AREL1: variants seen among roughly 807,000 people sequenced by gnomAD.
AREL1 encodes apoptosis resistant E3 ubiquitin protein ligase 1, also known as apoptosis-resistant E3 ubiquitin protein ligase 1.
Under a neutral mutation model 99.0 loss-of-function variants are expected in AREL1, and 62 were observed. That is an observed-to-expected ratio of 0.63 (90% confidence interval 0.51 to 0.77). The LOEUF is 0.77. Ranked by LOEUF, AREL1 falls within the 30% of genes least tolerant of loss-of-function variation. The pLI is 0.00. For synonymous variants in AREL1, 380 were observed against 376.5 expected (o/e 1.01, Z -0.11); for missense variants, 879 against 1,027.6 (o/e 0.86, Z 1.98).
At chr14:74,699,237 T>A (rs1427192856) in intron 1 of AREL1, among the ~76,000 whole-genome samples, 1 of 152,122 alleles carries the variant, frequency 6.6e-6, no homozygotes, top group African/African-American at 2.4e-5. Context: ...AGTTCACACA[T>A]TCTCTGTGTG....
chr14:74,687,396 C>A (rs8007335), intron 2 of AREL1, among the ~76,000 whole-genome samples: 4,451 of 152,276 alleles, frequency 0.029, 142 homozygotes, highest in African/African-American at 0.079. Flanking sequence ...TGTGACCTAT[C>A]TAGGCTTCAG....
rs17101802 is a variant in AREL1, at chr14:74,663,161, A to G, written c.*559T>C. 4,612 of 165,224 alleles carry G rather than the reference A, an allele frequency of 0.028. 150 individuals are homozygous for G. The highest frequency in any genetic ancestry group is 0.079 in the African/African-American group (3,310 of 41,984). The allele number at this position is 165,224 out of a possible 1,614,324, so 10.2% of individuals were successfully genotyped here. A position where few individuals can be genotyped will look rare whatever the true frequency, so the allele number is the denominator to read the frequency against. On this transcript the variant is annotated 3_prime_UTR_variant, in exon 20 of 20. Transcript: ENST00000356357. Reference sequence around the variant, plus strand: ...TTTTAGCAGTCCTTAGAGGCAGTCCAGTGCCATGGCCTATGCCTACCATTG... The same window carrying G: ...TTTTAGCAGTCCTTAGAGGCAGTCCGGTGCCATGGCCTATGCCTACCATTG...
At chr14:74,684,365 A>T in intron 4 of AREL1, 89 bp downstream of exon 4, 2 of 1,167,918 alleles carry the variant, frequency 1.7e-6, no homozygotes. Context: ...AACAAGAGAA[A>T]ATGTTAACAT....
At chr14:74,674,369 G>A (rs1433982547) in intron 8 of AREL1, among the ~76,000 whole-genome samples, 1 of 152,200 alleles carries the variant, frequency 6.6e-6, no homozygotes, top group African/African-American at 2.4e-5. Flanking sequence ...GGAGGCCGAG[G>A]CAGGCAGATC....
chr14:74,668,562 A>G (rs2089259048), intron 15 of AREL1, among the ~76,000 whole-genome samples: 1 of 152,124 alleles, frequency 6.6e-6, no homozygotes, highest in South Asian at 2.1e-4. Context: ...AATGAGCACT[A>G]CCCTGGGTCT....
At chr14:74,663,854 T>C (rs1391764207) in intron 19 of AREL1, 32 bp from the exon 20 acceptor site, 2 of 1,614,026 alleles carry the variant, frequency 1.2e-6, no homozygotes, top group African/African-American at 2.7e-5. Context: ...GATTAACTCA[T>C]ACCACCAAAA....
At position 74,662,107 on chromosome 14, in the gene AREL1, G is replaced by A. The variant is rs562815954; in HGVS notation, c.*1613C>T. On this transcript the variant is annotated 3_prime_UTR_variant, in exon 20 of 20. Coordinates refer to ENST00000356357, the MANE Select transcript of AREL1 (RefSeq NM_001039479.2). Reference sequence around the variant, plus strand: ...GGCATGGAGGATCCTGGGGTATAGAGACCCTGATGCTGGATCCCGGACCCC... The same window carrying A: ...GGCATGGAGGATCCTGGGGTATAGAAACCCTGATGCTGGATCCCGGACCCC... 2.8e-4 allele frequency: 43 copies of A among 153,518 alleles called. No homozygotes were observed. Among genetic ancestry groups the A allele is most frequent in the Non-Finnish European group, 4.5e-4 (31 of 68,592 alleles). 9.5% of individuals were successfully genotyped at this position (153,518 alleles called of 1,614,324 possible). A position where few individuals can be genotyped will look rare whatever the true frequency, so the allele number is the denominator to read the frequency against.
Position 74,712,038 on chromosome 14 carries a change from CAAAAAAAAAAAAAA to C in AREL1, c.-334+881_-334+894del, listed in dbSNP as rs752599769. The C allele has an allele frequency of 4.2e-3, 121 of 28,704 alleles. No homozygotes were observed. In the South Asian group the frequency reaches 0.088, roughly 21 times the overall value. The allele number at this position is 28,704 out of a possible 1,614,324, so 1.8% of individuals were successfully genotyped here. A position where few individuals can be genotyped will look rare whatever the true frequency, so the allele number is the denominator to read the frequency against. On this transcript the variant is annotated intron_variant, in intron 1 of 19. Transcript: ENST00000356357. ...TAGCTGGAGAATGGAAGACAAAGTG[CAAAAAAAAAAAAAA>C]AAAAAAAAAAAAAAAGAAAAAAAAA...
At chr14:74,671,021 T>G (rs930635105) in intron 12 of AREL1, 150 bp from the exon 13 acceptor site, 6 of 627,454 alleles carry the variant, frequency 9.6e-6, no homozygotes, top group African/African-American at 9.2e-5. Flanking sequence ...TGTGGTCCTT[T>G]AGAAATCCCA....
At chr14:74,664,508 C>G (rs1023430994) in intron 18 of AREL1, among the ~76,000 whole-genome samples, 1 of 134,170 alleles carries the variant, frequency 7.5e-6, no homozygotes, top group African/African-American at 2.8e-5. Flanking sequence ...GGCTGCAGTG[C>G]AGTGGCGTGA....
intron 15 of AREL1, among the ~76,000 whole-genome samples, chr14:74,669,100 G>A (rs749115319): frequency 3.3e-5 from 5 of 152,154 alleles, no homozygotes; most frequent in Non-Finnish European, 7.3e-5. Context: ...TGCCAAAGTT[G>A]CCCAGGCTGG....
At chr14:74,689,273 C>T (rs1213954906) in intron 2 of AREL1, among the ~76,000 whole-genome samples, 1 of 152,114 alleles carries the variant, frequency 6.6e-6, no homozygotes, top group East Asian at 1.9e-4. Context: ...TACTGCTACC[C>T]CTACCCCACG....
chr14:74,689,842 T>G lies in AREL1; in HGVS notation c.-46+2199A>C, dbSNP rs1437379281. Reference sequence around the variant, plus strand: ...AACTCCCAACCTGAGGTGATCCGCCTGCCTCAGCCTCCCAAAGTGCTGGGA... The same window carrying G: ...AACTCCCAACCTGAGGTGATCCGCCGGCCTCAGCCTCCCAAAGTGCTGGGA... On this transcript the variant is annotated intron_variant, in intron 2 of 19. Coordinates refer to ENST00000356357, the MANE Select transcript of AREL1 (RefSeq NM_001039479.2). Among the ~76,000 whole-genome samples, 13 of 151,932 alleles carry G rather than the reference T, an allele frequency of 8.6e-5. No homozygotes were observed. In the South Asian group the frequency reaches 2.7e-3, roughly 32 times the overall value.
rs186125230 is a variant in AREL1 at position 74,667,015 on chromosome 14, C to T, written c.2103+304G>A. ...GATTACAGAAGTGAGCCACCATGCC[C>T]GGCCTCAGTGATACTTGATGAATAA... On this transcript the variant is annotated intron_variant, in intron 17 of 19. Transcript: ENST00000356357. 4.2e-3 allele frequency among the ~76,000 whole-genome samples: 632 copies of T among 151,882 alleles called. 16 individuals are homozygous for T. The highest frequency in any genetic ancestry group is 6.8e-3 in the Middle Eastern group (2 of 294).
chr14:74,712,800 G>T (rs1231344797), intron 1 of AREL1, 133 bp downstream of exon 1: 7 of 379,016 alleles, frequency 1.8e-5, no homozygotes, highest in Non-Finnish European at 3.6e-5. Context: ...TACAGGGTGA[G>T]GAGAATGTGT....
intron 18 of AREL1, 106 bp from the exon 19 acceptor site, chr14:74,664,180 C>T (rs1003062361): frequency 7.8e-6 from 10 of 1,282,282 alleles, no homozygotes; most frequent in African/African-American, 3.0e-5. Context: ...CCCCAGTTAC[C>T]GTTCTATGAG....
At position 74,684,524 on chromosome 14, in the gene AREL1, C is replaced by T. The variant is rs778490827; in HGVS notation, c.173G>A (p.Arg58Gln). ...CCAATCCCAGGAGACTTTGCAAGAC[C>T]GGGGATCCAGGTAATTTCCCCGCAC... is the stretch of plus-strand genomic sequence containing the variant. ...DYVRGNYLDPRSCKVSWDWKD... is the reference protein window; with the variant it reads ...DYVRGNYLDPQSCKVSWDWKD... Residue 58 changes from arginine to glutamine, a missense_variant, in exon 4 of 20, where the codon CGG (arginine) becomes CAG (glutamine). Coordinates refer to ENST00000356357, the MANE Select transcript of AREL1 (RefSeq NM_001039479.2). The T allele has an allele frequency of 1.2e-6, 2 of 1,614,078 alleles. No individual in the cohort carries two copies. The highest frequency in any genetic ancestry group is 8.5e-7 in the Non-Finnish European group (1 of 1,180,012).
intron 1 of AREL1, among the ~76,000 whole-genome samples, chr14:74,699,117 T>C (rs1447271486): frequency 6.6e-6 from 1 of 152,188 alleles, no homozygotes; most frequent in Non-Finnish European, 1.5e-5. Context: ...TACTGAATGA[T>C]CTTAAACAAG....
intron 8 of AREL1, among the ~76,000 whole-genome samples, chr14:74,674,587 G>A (rs971220172): frequency 6.6e-6 from 1 of 152,182 alleles, no homozygotes; most frequent in African/African-American, 2.4e-5. Context: ...GGGTGACAAA[G>A]TGAGACCCTG....
Sources: allele counts gnomAD v4.1 joint callset (sites outside exome capture counted in the v4.1 genomes callset), GRCh38; gene constraint gnomAD v4.1.1; transcripts MANE v1.5; gene names NCBI Gene and HGNC (gene_info 2026-07-23, HGNC 2026-07-21).